ADAMTSL1: variants seen among roughly 807,000 people sequenced by gnomAD.
ADAMTSL1 encodes the protein ADAMTS like 1, also known as ADAMTS-like protein 1.
A neutral mutation model predicts 201.8 loss-of-function variants in ADAMTSL1; 126 were observed. The ratio of observed to expected loss-of-function variants is 0.62; its 90% CI spans 0.54 to 0.72. ADAMTSL1 has a LOEUF of 0.72. ADAMTSL1 is among the 30% of genes least tolerant of loss of function. ADAMTSL1 has a pLI of 0.00. For synonymous variants in ADAMTSL1, 1,121 were observed against 903.4 expected (o/e 1.24, Z -4.32); for missense variants, 2,679 against 2,277.8 (o/e 1.18, Z -3.59).
intron 2 of ADAMTSL1, among the ~76,000 whole-genome samples, chr9:18,363,279 C>G (rs1000864360): frequency 6.6e-6 from 1 of 152,230 alleles, no homozygotes; most frequent in Admixed American, 6.5e-5. Flanking sequence ...AAATTGTTGG[C>G]CATGGCTACT....
intron 20 of ADAMTSL1, among the ~76,000 whole-genome samples, chr9:18,800,892 T>G (rs899421405): frequency 6.6e-6 from 1 of 152,184 alleles, no homozygotes; most frequent in African/African-American, 2.4e-5. Flanking sequence ...ACTTCTGGCC[T>G]TATTCTACTT....
chr9:18,476,527 T>A (rs1449567863), intron 1 of ADAMTSL1, among the ~76,000 whole-genome samples: 1 of 152,156 alleles, frequency 6.6e-6, no homozygotes, highest in Non-Finnish European at 1.5e-5. Context: ...CTGCCCCCTT[T>A]AGCATTAAAT....
intron 1 of ADAMTSL1, among the ~76,000 whole-genome samples, chr9:17,932,013 G>C (rs1158641618): frequency 6.6e-6 from 1 of 152,170 alleles, no homozygotes; most frequent in African/African-American, 2.4e-5. Flanking sequence ...CCTGCTGTTT[G>C]GAGAATTTGA....
At chr9:17,964,459 A>C (rs561154303) in intron 1 of ADAMTSL1, among the ~76,000 whole-genome samples, 1 of 152,278 alleles carries the variant, frequency 6.6e-6, no homozygotes, top group East Asian at 1.9e-4. Context: ...AGAAGGGAAC[A>C]GTCAGGAGGG....
chr9:18,047,266 A>G (rs1039058234), intron 1 of ADAMTSL1, among the ~76,000 whole-genome samples: 2 of 152,180 alleles, frequency 1.3e-5, no homozygotes, highest in Non-Finnish European at 2.9e-5. Flanking sequence ...GTGAAGTCTA[A>G]GGTAGTGGCT....
intron 2 of ADAMTSL1, among the ~76,000 whole-genome samples, chr9:18,529,391 A>C (rs1192733040): frequency 1.3e-5 from 2 of 152,166 alleles, no homozygotes; most frequent in African/African-American, 4.8e-5. Flanking sequence ...TATCTTGAGC[A>C]CATCATGTTC....
upstream of ADAMTSL1, among the ~76,000 whole-genome samples, chr9:18,470,881 C>G (rs150681053): frequency 1.3e-5 from 2 of 152,200 alleles, no homozygotes; most frequent in Non-Finnish European, 2.9e-5. Flanking sequence ...ATATGTTGTG[C>G]ATGGAGCCAG....
intron 1 of ADAMTSL1, among the ~76,000 whole-genome samples, chr9:18,015,963 G>A (rs1415634080): frequency 6.6e-6 from 1 of 152,000 alleles, no homozygotes; most frequent in Non-Finnish European, 1.5e-5. Context: ...TGAAAACCAG[G>A]ATGGCAGCTA....
intron 2 of ADAMTSL1, among the ~76,000 whole-genome samples, chr9:18,178,169 G>A (rs953325710): frequency 5.3e-5 from 8 of 152,200 alleles, no homozygotes; most frequent in Non-Finnish European, 8.8e-5. Flanking sequence ...GTGGGTGAGC[G>A]CACTGTGCGC....
chr9:18,381,525 T>C (rs1837554280), intron 2 of ADAMTSL1, among the ~76,000 whole-genome samples: 1 of 152,200 alleles, frequency 6.6e-6, no homozygotes, highest in Non-Finnish European at 1.5e-5. Context: ...CATTGACTCC[T>C]TCACTACATG....
chr9:18,725,697 A>C (rs1817845901), intron 15 of ADAMTSL1, among the ~76,000 whole-genome samples: 1 of 152,286 alleles, frequency 6.6e-6, no homozygotes, highest in South Asian at 2.1e-4. Context: ...AAAAAAAAAG[A>C]AAGGTATACC....
intron 2 of ADAMTSL1, among the ~76,000 whole-genome samples, chr9:18,183,431 G>A (rs185242359): frequency 2.3e-4 from 35 of 152,188 alleles, no homozygotes; most frequent in Admixed American, 1.4e-3. Context: ...TCAAGATAAC[G>A]AAAAGGCAAA....
chr9:18,560,038 A>G (rs1821380906), intron 3 of ADAMTSL1, among the ~76,000 whole-genome samples: 1 of 152,084 alleles, frequency 6.6e-6, no homozygotes. Flanking sequence ...AGAACTTCCA[A>G]TATTATGTTG....
chr9:18,696,865 ATAT>A (rs142242579), intron 13 of ADAMTSL1, among the ~76,000 whole-genome samples: 45,235 of 142,112 alleles, frequency 0.32, 7,714 homozygotes, highest in Non-Finnish European at 0.39. Flanking sequence ...CATGTCAAAA[ATAT>A]TATTATTATT....
At chr9:18,021,578 T>C (rs1820482912) in intron 1 of ADAMTSL1, among the ~76,000 whole-genome samples, 1 of 152,160 alleles carries the variant, frequency 6.6e-6, no homozygotes. Context: ...GGGACAAGCA[T>C]AAACTTTCTG....
At chr9:18,249,515 C>G (rs1831385200) in intron 2 of ADAMTSL1, among the ~76,000 whole-genome samples, 1 of 152,106 alleles carries the variant, frequency 6.6e-6, no homozygotes, top group Admixed American at 6.5e-5. Flanking sequence ...TATAACAAAT[C>G]TTACTATTTA....
intron 19 of ADAMTSL1, among the ~76,000 whole-genome samples, chr9:18,779,849 A>G (rs1821282556): frequency 6.6e-6 from 1 of 152,160 alleles, no homozygotes; most frequent in Non-Finnish European, 1.5e-5. Context: ...TCTACCAGCC[A>G]GTCAGTTTAT....
intron 19 of ADAMTSL1, among the ~76,000 whole-genome samples, chr9:18,782,969 A>C (rs938299905): frequency 2.0e-5 from 3 of 152,216 alleles, no homozygotes; most frequent in African/African-American, 7.2e-5. Context: ...TTCGGGTTTT[A>C]CACTGAGTAC....
At chr9:18,247,751 G>T (rs971233727) in intron 2 of ADAMTSL1, among the ~76,000 whole-genome samples, 10 of 152,156 alleles carry the variant, frequency 6.6e-5, no homozygotes, top group Non-Finnish European at 1.5e-4. Context: ...TGGCTAGACA[G>T]AGGGAGAGGC....
Sources: allele counts gnomAD v4.1 joint callset (sites outside exome capture counted in the v4.1 genomes callset), GRCh38; gene constraint gnomAD v4.1.1; transcripts MANE v1.5; gene names NCBI Gene and HGNC (gene_info 2026-07-23, HGNC 2026-07-21).